Variants in PPP1R3B observed in about 807,000 individuals in gnomAD.
The protein encoded by PPP1R3B is protein phosphatase 1 regulatory subunit 3B.
In PPP1R3B, 8 loss-of-function variants were observed where a neutral mutation model predicts 14.6. The ratio of observed to expected loss-of-function variants is 0.55; its 90% confidence interval spans 0.32 to 0.99. The LOEUF is 0.99. Ranked by LOEUF, PPP1R3B falls within the 50% of genes least tolerant of loss-of-function variation. The pLI, the probability that PPP1R3B is intolerant of heterozygous loss-of-function variation, is 0.04. For missense variants in PPP1R3B, 452 were observed against 360.1 expected (o/e 1.26, Z -2.07); for synonymous variants, 169 against 142.0 (o/e 1.19, Z -1.35).
At chr8:9,147,332 G>C (rs1801272703) in intron 1 of PPP1R3B, among the ~76,000 whole-genome samples, 1 of 152,066 alleles carries the variant, frequency 6.6e-6, no homozygotes, top group African/African-American at 2.4e-5. Flanking sequence ...AACCAAACAA[G>C]AGGCTATATC....
chr8:9,145,863 C>T (rs1005049744), intron 1 of PPP1R3B, among the ~76,000 whole-genome samples: 3 of 145,592 alleles, frequency 2.1e-5, no homozygotes, highest in East Asian at 2.4e-4. Flanking sequence ...TACTGCCTCA[C>T]TAAAGCTGAG....
chr8:9,144,632 A>G (rs1010769837), intron 1 of PPP1R3B, among the ~76,000 whole-genome samples: 1 of 152,270 alleles, frequency 6.6e-6, no homozygotes, highest in African/African-American at 2.4e-5. Context: ...TAAAATGTTC[A>G]ATGCCACATT....
intron 1 of PPP1R3B, among the ~76,000 whole-genome samples, chr8:9,148,297 C>G (rs1801302478): frequency 6.6e-6 from 1 of 152,196 alleles, no homozygotes; most frequent in African/African-American, 2.4e-5. Flanking sequence ...CAGGCTGCAG[C>G]CCAGCCTCCT....
At chr8:9,141,836 G>A (rs1020545972) in intron 1 of PPP1R3B, 168 bp from the exon 2 acceptor site, 8 of 270,902 alleles carry the variant, frequency 3.0e-5, no homozygotes, top group Admixed American at 4.6e-5. Flanking sequence ...CACAACATGC[G>A]TTTGAGAGAA....
Position 9,140,512 on chromosome 8 carries a change from A to G in PPP1R3B, c.*282T>C, listed in dbSNP as rs17653841. 76,945 of 469,550 alleles carry G rather than the reference A, an allele frequency of 0.16. 7,860 individuals carry two copies. The highest frequency in any genetic ancestry group is 0.22 in the Non-Finnish European group (56,373 of 259,268). The allele number at this position is 469,550 out of a possible 1,614,324, so 29.1% of individuals were successfully genotyped here. ...CAGCACTGGCATAGGCTTGATTCCC[A>G]TCCATACCCTTTCCAGCACAGACGT... On this transcript the variant is annotated 3_prime_UTR_variant, in exon 2 of 2. Transcript: ENST00000310455.
chr8:9,141,512 C>G lies in PPP1R3B; in HGVS notation c.140G>C (p.Ser47Thr), dbSNP rs558230740. ...CIQLSSKNEA[S>T]GMVAPAVQEK... ...CTGGACAGCCGGGGCCACCATTCCA[C>G]TGGCTTCATTCTTGCTGCTCAGCTG... The change falls in exon 2 of 2, where the codon AGT (serine) becomes ACT (threonine). Residue 47 changes from serine (S) to threonine (T), a missense_variant. By Grantham distance (58) the Ser-to-Thr change is moderately conservative (BLOSUM62 1). Transcript: ENST00000310455. 5 of 1,614,216 alleles carry G rather than the reference C, an allele frequency of 3.1e-6. No homozygotes were observed. Among genetic ancestry groups the G allele is most frequent in the Non-Finnish European group, 4.2e-6 (5 of 1,180,052 alleles).
chr8:9,143,728 C>T (rs1801157049), intron 1 of PPP1R3B, among the ~76,000 whole-genome samples: 1 of 151,998 alleles, frequency 6.6e-6, no homozygotes, highest in Admixed American at 6.6e-5. Context: ...ATAAAAACAA[C>T]CAGCAATTTC....
chr8:9,148,641 A>G (rs931258160), intron 1 of PPP1R3B, among the ~76,000 whole-genome samples: 5 of 152,326 alleles, frequency 3.3e-5, no homozygotes, highest in Middle Eastern at 3.4e-3. Flanking sequence ...CAGATCATGG[A>G]GATAGTTTTG....
Position 9,141,186 on chromosome 8 carries a change from A to G in PPP1R3B, c.466T>C (p.Phe156Leu). The change falls in exon 2 of 2, where the codon TTT becomes CTT. Residue 156 changes from phenylalanine (F) to leucine (L), a missense_variant. By Grantham distance (22) the Phe-to-Leu change is conservative. Transcript: ENST00000310455. ...ATCCTTATTTTCACGGTCTTCTCAAATGCGAGGTTCTGAACCTTCACAGTG... is the reference window on the plus strand; with the variant it reads ...ATCCTTATTTTCACGGTCTTCTCAAGTGCGAGGTTCTGAACCTTCACAGTG... ...AGTVKVQNLA[F>L]EKTVKIRMTF... 3 of 1,614,174 alleles carry G rather than the reference A, an allele frequency of 1.9e-6. No homozygotes were observed. The highest frequency in any genetic ancestry group is 2.5e-6 in the Non-Finnish European group (3 of 1,180,048).
In PPP1R3B at chr8:9,138,116, G is replaced by A. The variant is rs1043961682; in HGVS notation, c.*2678C>T. ...GCACTCTGTGCCTCTCCTGCATTGT[G>A]GGGAGGGCACTTCTTAAGGCAAAGT... On this transcript the variant is annotated 3_prime_UTR_variant, in exon 2 of 2. Transcript: ENST00000310455. 5 of 151,934 alleles carry A rather than the reference G, an allele frequency of 3.3e-5. No individual in the cohort carries two copies. The highest frequency in any genetic ancestry group is 5.9e-5 in the Non-Finnish European group (4 of 68,020). The allele number at this position is 151,934 out of a possible 1,614,324, so 9.4% of individuals were successfully genotyped here.
At chr8:9,142,750 G>C (rs977379975) in intron 1 of PPP1R3B, among the ~76,000 whole-genome samples, 1 of 152,092 alleles carries the variant, frequency 6.6e-6, no homozygotes, top group Non-Finnish European at 1.5e-5. Context: ...CCACATATAA[G>C]TGAGATCATG....
Position 9,136,465 on chromosome 8 carries a change from C to G in PPP1R3B, c.*4329G>C, listed in dbSNP as rs1800892086. 6.6e-6 allele frequency: 1 copy of G among 152,210 alleles called. No individual in the cohort carries two copies. The highest frequency in any genetic ancestry group is 2.4e-5 in the African/African-American group (1 of 41,448). 9.4% of individuals were successfully genotyped at this position (152,210 alleles called of 1,614,324 possible). Reference sequence around the variant, plus strand: ...AGATGAGTCCTTGGTTCTACATTCACACTGAAGTAATAGTGAAACATCATC... The same window carrying G: ...AGATGAGTCCTTGGTTCTACATTCAGACTGAAGTAATAGTGAAACATCATC... On this transcript the variant is annotated 3_prime_UTR_variant, in exon 2 of 2. Transcript: ENST00000310455.
rs11777327 is a variant in PPP1R3B at position 9,138,819 on chromosome 8, C to G, written c.*1975G>C. The G allele has an allele frequency of 6.6e-6, 1 of 152,190 alleles. No homozygotes were observed. The allele number at this position is 152,190 out of a possible 1,614,324, so 9.4% of individuals were successfully genotyped here. ...TAGAAAATAAAAAACCAACTTCCTA[C>G]AAGTATACTTGTAAAAATATATTTT... On this transcript the variant is annotated 3_prime_UTR_variant, in exon 2 of 2. Coordinates refer to ENST00000310455, the MANE Select transcript of PPP1R3B (RefSeq NM_024607.4).
rs946818781 is a variant in PPP1R3B at position 9,140,461 on chromosome 8, CAG to C, written c.*331_*332del. Reference sequence around the variant, plus strand: ...TGATGTCCCACATCTGAGTGGAGAGCAGAGGAGAGACTCCTCCAGCTTCATCA... The same window carrying C: ...TGATGTCCCACATCTGAGTGGAGAGCAGGAGAGACTCCTCCAGCTTCATCA... On this transcript the variant is annotated 3_prime_UTR_variant, in exon 2 of 2. Coordinates refer to ENST00000310455, the MANE Select transcript of PPP1R3B (RefSeq NM_024607.4). 6.2e-6 allele frequency: 2 copies of C among 325,188 alleles called. No individual in the cohort carries two copies. Among genetic ancestry groups the C allele is most frequent in the Non-Finnish European group, 5.8e-6 (1 of 172,474 alleles). 20.1% of individuals were successfully genotyped at this position (325,188 alleles called of 1,614,324 possible). A position where few individuals can be genotyped will look rare whatever the true frequency, so the allele number is the denominator to read the frequency against.
rs756245177 is a variant in PPP1R3B, at chr8:9,141,398, G to C, written c.254C>G (p.Pro85Arg). Residue 85 changes from proline to arginine, a missense_variant, in exon 2 of 2, where the codon CCG becomes CGG. Coordinates refer to ENST00000310455, the MANE Select transcript of PPP1R3B (RefSeq NM_024607.4). ...GGTGATGTTGAATGGCATATCTAGC[G>C]GGTCATCGAATTCCGAGAACACTTT... The part of the protein sequence containing the change: ...MVKVFSEFDD[P>R]LDMPFNITEL... 1.4e-5 allele frequency: 22 copies of C among 1,614,002 alleles called. No individual in the cohort carries two copies. The highest frequency in any genetic ancestry group is 1.6e-5 in the Non-Finnish European group (19 of 1,180,034).
At chr8:9,147,161 C>G (rs1380988072) in intron 1 of PPP1R3B, among the ~76,000 whole-genome samples, 1 of 151,974 alleles carries the variant, frequency 6.6e-6, no homozygotes, top group African/African-American at 2.4e-5. Context: ...CGTGCACCAC[C>G]ACCCCCAGCT....
At chr8:9,143,291 G>A (rs556311843) in intron 1 of PPP1R3B, among the ~76,000 whole-genome samples, 9 of 152,302 alleles carry the variant, frequency 5.9e-5, no homozygotes, top group African/African-American at 2.2e-4. Flanking sequence ...TAGGGATTGG[G>A]TGTTTCCTAT....
chr8:9,138,582 C>A lies in PPP1R3B; in HGVS notation c.*2212G>T, dbSNP rs1800968287. 1 of 152,188 alleles carries A rather than the reference C, an allele frequency of 6.6e-6. No homozygotes were observed. Among genetic ancestry groups the A allele is most frequent in the Admixed American group, 6.5e-5 (1 of 15,280 alleles). The allele number at this position is 152,188 out of a possible 1,614,324, so 9.4% of individuals were successfully genotyped here. A position where few individuals can be genotyped will look rare whatever the true frequency, so the allele number is the denominator to read the frequency against. Reference sequence around the variant, plus strand: ...TCAGTATCTGCCTGTTGGTTATGTACAAAGCCACAAATGGGAGGTCTTTTC... The same window carrying A: ...TCAGTATCTGCCTGTTGGTTATGTAAAAAGCCACAAATGGGAGGTCTTTTC... On this transcript the variant is annotated 3_prime_UTR_variant, in exon 2 of 2. Transcript: ENST00000310455.
At chr8:9,145,115 AAAT>A (rs1319633905) in intron 1 of PPP1R3B, 3 of 152,030 alleles carry the variant, frequency 2.0e-5, no homozygotes, top group Non-Finnish European at 4.4e-5. Flanking sequence ...AATGAAAAAA[AAAT>A]ATTATATATT....
Sources: gnomAD v4.1 joint callset for allele counts (sites outside exome capture counted in the v4.1 genomes callset) on GRCh38, gnomAD v4.1.1 for gene constraint, MANE v1.5 for transcripts, NCBI Gene and HGNC (gene_info 2026-07-23, HGNC 2026-07-21) for gene names.